DARS1: variants seen among roughly 807,000 people sequenced by gnomAD.
DARS1 encodes aspartyl-tRNA synthetase 1.
In DARS1, 51 loss-of-function variants were observed where a neutral mutation model predicts 68.8. The ratio of observed to expected loss-of-function variants is 0.74; its 90% CI spans 0.59 to 0.94. The LOEUF (loss-of-function observed/expected upper bound fraction) is 0.94, where lower values mean the gene tolerates loss of function less well. Among genes scored for constraint, DARS1 ranks in the 40% least tolerant of loss-of-function variants. The probability of loss-of-function intolerance (pLI) is 0.00; values close to 1 mark genes in which losing one functional copy is unlikely to be tolerated. For synonymous variants in DARS1, 203 were observed against 190.4 expected, an observed-to-expected ratio of 1.07 and a Z score of -0.55; for missense variants, 607 against 597.3, an observed-to-expected ratio of 1.02 and a Z score of -0.17.
In DARS1 at chr2:135,911,153, GC is replaced by G. The variant is rs751745838; in HGVS notation, c.1399del (p.Ala467LeufsTer69). ...CAGAATATTACCAATGCCTCCACCA[GC>G]ATGAGGAGGGGCTCCAAAGCGGAAG... ...DSFRFGAPPH[A>X]GGGIGLERVT... On this transcript the variant is annotated frameshift_variant, in exon 15 of 16. Coordinates refer to ENST00000264161, the MANE Select transcript of DARS1 (RefSeq NM_001349.4). LOFTEE classifies it high-confidence loss of function. 2 of 1,483,504 alleles carry G rather than the reference GC, an allele frequency of 1.3e-6. No homozygotes were observed. Among genetic ancestry groups the G allele is most frequent in the African/African-American group, 2.8e-5 (2 of 72,332 alleles). The allele number at this position is 1,483,504 out of a possible 1,614,324, so 91.9% of individuals were successfully genotyped here.
intron 2 of DARS1, among the ~76,000 whole-genome samples, chr2:135,982,332 C>CAA (rs1411292902): frequency 1.3e-5 from 2 of 152,068 alleles, no homozygotes; most frequent in African/African-American, 4.8e-5. Context: ...CGGTGGCTCA[C>CAA]ACCTGTAATC....
intron 5 of DARS1, among the ~76,000 whole-genome samples, chr2:135,938,914 A>C (rs1681532021): frequency 6.6e-6 from 1 of 152,228 alleles, no homozygotes. Context: ...GAGACAAAGA[A>C]GGCCATTAAA....
intron 3 of DARS1, among the ~76,000 whole-genome samples, chr2:135,965,337 T>C (rs1474890221): frequency 1.3e-5 from 2 of 152,098 alleles, no homozygotes; most frequent in African/African-American, 4.8e-5. Context: ...ATCTTTTTAA[T>C]ACATAAGGAT....
Position 135,961,416 on chromosome 2 carries a change from CTGCT to C in DARS1, c.296_299del (p.Lys99ArgfsTer17). On this transcript the variant is annotated frameshift_variant, in exon 4 of 16. Coordinates refer to ENST00000264161, the MANE Select transcript of DARS1 (RefSeq NM_001349.4). LOFTEE classifies it high-confidence loss of function. ...CTTACTTGGCAGCAAATTTAACCAT[CTGCT>C]TGCTTGCATGGTCTCCCACCGCCAC... is the stretch of plus-strand genomic sequence containing the variant. The C allele has an allele frequency of 2.0e-6, 3 of 1,465,284 alleles. No homozygotes were observed. Among genetic ancestry groups the C allele is most frequent in the Non-Finnish European group, 2.9e-6 (3 of 1,043,986 alleles). 90.8% of individuals were successfully genotyped at this position (1,465,284 alleles called of 1,614,324 possible). A position where few individuals can be genotyped will look rare whatever the true frequency, so the allele number is the denominator to read the frequency against.
intron 3 of DARS1, among the ~76,000 whole-genome samples, chr2:135,972,949 G>A (rs1245485487): frequency 6.6e-6 from 1 of 152,174 alleles, no homozygotes; most frequent in Non-Finnish European, 1.5e-5. Context: ...GTGGAGGAAG[G>A]GGAACCCTGG....
chr2:135,956,471 C>T (rs1055655873), intron 4 of DARS1, among the ~76,000 whole-genome samples: 7 of 152,008 alleles, frequency 4.6e-5, no homozygotes, highest in Non-Finnish European at 7.4e-5. Context: ...TTAGCTATGG[C>T]GGGTGATCAG....
In DARS1 at chr2:135,969,148, C is replaced by T. The variant is rs1394374767; in HGVS notation, c.218-7650G>A. 2.0e-5 allele frequency among the ~76,000 whole-genome samples: 3 copies of T among 152,010 alleles called. No individual in the cohort carries two copies. In the East Asian group the frequency reaches 5.8e-4, roughly 29 times the overall value. ...TTAACCCAGCAATTTCATTTCTATA[C>T]ACCCATCTTGGAGAAATACTACCTC... On this transcript the variant is annotated intron_variant, in intron 3 of 15. Coordinates refer to ENST00000264161, the MANE Select transcript of DARS1 (RefSeq NM_001349.4).
intron 5 of DARS1, among the ~76,000 whole-genome samples, chr2:135,938,650 A>T (rs1223117832): frequency 6.6e-6 from 1 of 152,220 alleles, no homozygotes; most frequent in African/African-American, 2.4e-5. Flanking sequence ...GATCAAATTC[A>T]CACATAACAA....
intron 5 of DARS1, among the ~76,000 whole-genome samples, chr2:135,942,753 A>G (rs1481746288): frequency 6.6e-6 from 1 of 152,192 alleles, no homozygotes; most frequent in East Asian, 1.9e-4. Flanking sequence ...ATTCACTTAT[A>G]TTGGTGAGTA....
chr2:135,933,557 T>A lies in DARS1; in HGVS notation c.504+353A>T, dbSNP rs376827896. 4.6e-4 allele frequency among the ~76,000 whole-genome samples: 70 copies of A among 152,316 alleles called. 3 individuals are homozygous for A. In the East Asian group the frequency reaches 8.5e-3, roughly 18 times the overall value. ...GCTTTGGACAACTGTAATTTTTTCATAAAATGTTATTAGCTTCATTATTTA... is the reference window on the plus strand; with the variant it reads ...GCTTTGGACAACTGTAATTTTTTCAAAAAATGTTATTAGCTTCATTATTTA... On this transcript the variant is annotated intron_variant, in intron 6 of 15. Transcript: ENST00000264161.
chr2:135,970,524 A>C lies in DARS1; in HGVS notation c.217+8750T>G, dbSNP rs568509379. Among the ~76,000 whole-genome samples the C allele has an allele frequency of 2.5e-3, 373 of 152,156 alleles. 1 individual carries two copies. Among genetic ancestry groups the C allele is most frequent in the African/African-American group, 8.7e-3 (361 of 41,560 alleles). On this transcript the variant is annotated intron_variant, in intron 3 of 15. Transcript: ENST00000264161. ...AAATTATAAGTATCTACCTAAAAAA[A>C]GAACTTCAAATAACCTAACAATGCA...
intron 4 of DARS1, among the ~76,000 whole-genome samples, chr2:135,957,754 T>C (rs309142): frequency 0.26 from 39,238 of 152,032 alleles, 6,026 homozygotes; most frequent in Middle Eastern, 0.43. Context: ...TTTAGTGGAA[T>C]AAAAAATGTC....
In DARS1 at chr2:135,912,487, G is replaced by C. The variant is rs755070289; in HGVS notation, c.1229C>G (p.Pro410Arg). ...GTTACTTAAAACCAAATTACTTACG[G>C]GATTTCTTGGGTCAGGCATGGTATA... ...PFYTMPDPRN[P>R]KQSNSYDMFM... is the part of the protein sequence containing the mutation. Residue 410 changes from proline to arginine, a missense_variant and splice_region_variant, in exon 13 of 16, where the codon CCC (proline) becomes CGC (arginine). By Grantham distance (103) the Pro-to-Arg change is moderately radical. Transcript: ENST00000264161. The C allele has an allele frequency of 2.9e-6, 3 of 1,019,350 alleles. No homozygotes were observed. The highest frequency in any genetic ancestry group is 4.5e-6 in the Non-Finnish European group (3 of 661,208). 63.1% of individuals were successfully genotyped at this position (1,019,350 alleles called of 1,614,324 possible). A position where few individuals can be genotyped will look rare whatever the true frequency, so the allele number is the denominator to read the frequency against.
At chr2:135,981,224 T>C (rs1025144780) in intron 2 of DARS1, among the ~76,000 whole-genome samples, 1 of 152,210 alleles carries the variant, frequency 6.6e-6, no homozygotes, top group African/African-American at 2.4e-5. Context: ...AATGGCTGCT[T>C]TGGGCCTATG....
At chr2:135,976,294 CT>C (rs924928974) in intron 3 of DARS1, among the ~76,000 whole-genome samples, 16 of 152,116 alleles carry the variant, frequency 1.1e-4, no homozygotes, top group African/African-American at 3.9e-4. Flanking sequence ...AGTTTTTGTG[CT>C]GTTTGAGTTT....
chr2:135,981,396 T>C (rs1042143487), intron 2 of DARS1, among the ~76,000 whole-genome samples: 8 of 152,072 alleles, frequency 5.3e-5, no homozygotes, highest in African/African-American at 1.2e-4. Context: ...CTATTTTACA[T>C]AGGTTGAGCA....
At chr2:135,985,669 C>A, upstream of DARS1, 3 of 1,357,914 alleles carry the variant, frequency 2.2e-6, no homozygotes, top group South Asian at 4.4e-5. Flanking sequence ...GCGCTGGCGG[C>A]CGCGCGCAGG....
intron 8 of DARS1, among the ~76,000 whole-genome samples, chr2:135,923,441 C>T (rs747360162): frequency 5.3e-5 from 8 of 152,042 alleles, no homozygotes; most frequent in Non-Finnish European, 8.8e-5. Flanking sequence ...AGGCGTCAAC[C>T]ACCGCGCCCG....
chr2:135,922,049 A>G (rs1041714709), intron 9 of DARS1, among the ~76,000 whole-genome samples: 1 of 152,218 alleles, frequency 6.6e-6, no homozygotes, highest in African/African-American at 2.4e-5. Context: ...ACTTACAATT[A>G]GCTTCAAAAA....
Sources: gnomAD v4.1 joint callset for allele counts (sites outside exome capture counted in the v4.1 genomes callset) on GRCh38, gnomAD v4.1.1 for gene constraint, MANE v1.5 for transcripts, NCBI Gene and HGNC (gene_info 2026-07-23, HGNC 2026-07-21) for gene names.